The following TAAR5 variants were observed in gnomAD, a reference collection of about 807,000 sequenced individuals.
The protein encoded by TAAR5 is trace amine associated receptor 5, also known as trace amine-associated receptor 5.
Under a neutral mutation model 21.1 loss-of-function variants are expected in TAAR5, and 27 were observed. The ratio of observed to expected loss-of-function variants is 1.28; its 90% confidence interval spans 0.94 to 1.76. The LOEUF (loss-of-function observed/expected upper bound fraction) is 1.76, where lower values mean the gene tolerates loss of function less well. Ranked by LOEUF, TAAR5 falls within the 40% of genes most tolerant of loss-of-function variation. TAAR5 has a pLI of 0.00. For synonymous variants in TAAR5, 203 were observed against 167.5 expected (o/e 1.21, Z -1.64); for missense variants, 495 against 405.6 (o/e 1.22, Z -1.89).
At chr6:132,604,974 G>T in the TAAR5 span, among the ~76,000 whole-genome samples, 4 of 152,184 alleles carry the variant, frequency 2.6e-5, no homozygotes, top group Non-Finnish European at 5.9e-5. Flanking sequence ...ACTCCAGATG[G>T]CCTTTCCTAG....
the TAAR5 span, among the ~76,000 whole-genome samples, chr6:132,598,048 TA>T: frequency 2.6e-5 from 4 of 152,068 alleles, no homozygotes; most frequent in South Asian, 8.3e-4. Flanking sequence ...GCATTGTAAA[TA>T]AATGGAAAAA....
chr6:132,588,608 A>G lies in TAAR5; in HGVS notation c.*65T>C. On this transcript the variant is annotated 3_prime_UTR_variant, in exon 1 of 1. Coordinates refer to ENST00000258034, the MANE Select transcript of TAAR5 (RefSeq NM_003967.3). ...CCACAAACTCAACACCACACAGCCC[A>G]CGGTCACAGTGCCACTTATCTTTCC... is the stretch of plus-strand genomic sequence containing the variant. The G allele has an allele frequency of 2.6e-6, 4 of 1,539,948 alleles. No homozygotes were observed. Among genetic ancestry groups the G allele is most frequent in the Non-Finnish European group, 3.5e-6 (4 of 1,134,774 alleles).
At chr6:132,600,995 G>A in the TAAR5 span, among the ~76,000 whole-genome samples, 1 of 56,926 alleles carries the variant, frequency 1.8e-5, no homozygotes, top group Non-Finnish European at 2.9e-5. Context: ...GAAGGAAGGA[G>A]GGAAGGAGGG....
chr6:132,589,505 T>C lies in TAAR5; in HGVS notation c.182A>G (p.Tyr61Cys), dbSNP rs1332250318. The change falls in exon 1 of 1, where the codon TAC becomes TGC. Residue 61 changes from tyrosine to cysteine, a missense_variant. By Grantham distance (194) the Tyr-to-Cys change is radical. Transcript: ENST00000258034. ...GNVFVAFAVSYFKALHTPTNF... is the reference protein window; with the variant it reads ...GNVFVAFAVSCFKALHTPTNF... ...GGTGGGCGTGTGAAGCGCTTTGAAG[T>C]AGGACACAGCAAATGCCACAAATAC... 6 of 1,613,774 alleles carry C rather than the reference T, an allele frequency of 3.7e-6. No individual in the cohort carries two copies. The highest frequency in any genetic ancestry group is 4.2e-6 in the Non-Finnish European group (5 of 1,179,906).
the TAAR5 span, among the ~76,000 whole-genome samples, chr6:132,613,903 C>A: frequency 1.3e-5 from 2 of 152,146 alleles, no homozygotes; most frequent in African/African-American, 4.8e-5. Flanking sequence ...CTTCTAGGAT[C>A]CACCTATTTG....
chr6:132,608,123 G>A, the TAAR5 span: 4 of 351,310 alleles, frequency 1.1e-5, no homozygotes, highest in East Asian at 7.4e-5. Context: ...AACACTTAAC[G>A]TTGATTACTG....
At chr6:132,606,579 T>A in the TAAR5 span, among the ~76,000 whole-genome samples, 2 of 152,216 alleles carry the variant, frequency 1.3e-5, no homozygotes, top group African/African-American at 4.8e-5. Flanking sequence ...CCTTTGGTAA[T>A]TATGCAAAGG....
At chr6:132,598,570 G>T in the TAAR5 span, among the ~76,000 whole-genome samples, 11 of 152,034 alleles carry the variant, frequency 7.2e-5, no homozygotes, top group Non-Finnish European at 2.9e-5. Flanking sequence ...AGGAACTTGG[G>T]GCCACACTAT....
upstream of TAAR5, among the ~76,000 whole-genome samples, chr6:132,591,403 T>C (rs1776905335): frequency 6.6e-6 from 1 of 152,110 alleles, no homozygotes; most frequent in East Asian, 1.9e-4. Flanking sequence ...GTGGGGCAGG[T>C]CAAAAAGAAG....
upstream of TAAR5, among the ~76,000 whole-genome samples, chr6:132,589,964 G>A (rs1175760940): frequency 6.6e-6 from 1 of 152,086 alleles, no homozygotes; most frequent in Non-Finnish European, 1.5e-5. Flanking sequence ...TTTAAAACTA[G>A]TGTAGGTAGT....
In TAAR5 at chr6:132,589,503, A is replaced by T. The variant is rs755639727; in HGVS notation, c.184T>A (p.Phe62Ile). The T allele has an allele frequency of 6.2e-7, 1 of 1,614,000 alleles. No homozygotes were observed. Among genetic ancestry groups the T allele is most frequent in the Non-Finnish European group, 8.5e-7 (1 of 1,179,968 alleles). The change falls in exon 1 of 1, where the codon TTC becomes ATC. Residue 62 changes from phenylalanine (F) to isoleucine (I), a missense_variant. By Grantham distance (21) the Phe-to-Ile change is conservative. Transcript: ENST00000258034. Reference sequence around the variant, plus strand: ...TTGGTGGGCGTGTGAAGCGCTTTGAAGTAGGACACAGCAAATGCCACAAAT... The same window carrying T: ...TTGGTGGGCGTGTGAAGCGCTTTGATGTAGGACACAGCAAATGCCACAAAT... ...NVFVAFAVSY[F>I]KALHTPTNFL... is the part of the protein sequence containing the mutation.
chr6:132,606,925 G>A, the TAAR5 span, among the ~76,000 whole-genome samples: 1 of 152,212 alleles, frequency 6.6e-6, no homozygotes, highest in Non-Finnish European at 1.5e-5. Flanking sequence ...TGCACTGGGG[G>A]TGGATCATGC....
chr6:132,594,130 A>G (rs1776943975), upstream of TAAR5, among the ~76,000 whole-genome samples: 1 of 152,212 alleles, frequency 6.6e-6, no homozygotes, highest in Non-Finnish European at 1.5e-5. Flanking sequence ...AAAATTCTAG[A>G]TCCCTAATTT....
rs535122315 is a variant in TAAR5, at chr6:132,588,609, C to T, written c.*64G>A. On this transcript the variant is annotated 3_prime_UTR_variant, in exon 1 of 1. Transcript: ENST00000258034. ...CACAAACTCAACACCACACAGCCCACGGTCACAGTGCCACTTATCTTTCCT... is the reference window on the plus strand; with the variant it reads ...CACAAACTCAACACCACACAGCCCATGGTCACAGTGCCACTTATCTTTCCT... The T allele has an allele frequency of 1.8e-5, 28 of 1,537,100 alleles. No individual in the cohort carries two copies. In the Admixed American group the frequency reaches 2.0e-4, roughly 11 times the overall value.
chr6:132,601,023 A>AGGAGGGAAAGAAGGAAGGAGGGAG, the TAAR5 span, among the ~76,000 whole-genome samples: 1 of 83,886 alleles, frequency 1.2e-5, no homozygotes, highest in Non-Finnish European at 2.3e-5. Context: ...GAAGGGGGGA[A>AGGAGGGAAAGAAGGAAGGAGGGAG]GGAGGGAAGG....
the TAAR5 span, among the ~76,000 whole-genome samples, chr6:132,609,472 C>A: frequency 6.6e-6 from 1 of 151,956 alleles, no homozygotes; most frequent in South Asian, 2.1e-4. Context: ...TTACTTGGTA[C>A]GTTAGAAAAA....
chr6:132,614,480 A>G, the TAAR5 span, among the ~76,000 whole-genome samples: 1 of 151,338 alleles, frequency 6.6e-6, no homozygotes, highest in Non-Finnish European at 1.5e-5. Flanking sequence ...TTTATAAAAT[A>G]CAACTATCAC....
chr6:132,609,344 T>C, the TAAR5 span: 1 of 226,562 alleles, frequency 4.4e-6, no homozygotes. Context: ...TTAAAATGAT[T>C]CCAGTAAATT....
the TAAR5 span, among the ~76,000 whole-genome samples, chr6:132,600,650 G>A: frequency 6.6e-6 from 1 of 151,968 alleles, no homozygotes; most frequent in Non-Finnish European, 1.5e-5. Flanking sequence ...CTTTCCTTGA[G>A]ATTACCGTAC....
Sources: allele counts gnomAD v4.1 joint callset (sites outside exome capture counted in the v4.1 genomes callset), GRCh38; gene constraint gnomAD v4.1.1; transcripts MANE v1.5; gene names NCBI Gene and HGNC (gene_info 2026-07-23, HGNC 2026-07-21).